The following RASSF8 variants were observed in gnomAD, a reference collection of about 807,000 sequenced individuals.
RASSF8 encodes Ras association domain family member 8, also known as ras association domain-containing protein 8.
A neutral mutation model predicts 48.5 loss-of-function variants in RASSF8; 22 were observed. The observed-to-expected ratio is 0.45, with a 90% CI of 0.32 to 0.65. RASSF8 has a LOEUF of 0.65. Among genes scored for constraint, RASSF8 ranks in the 30% least tolerant of loss-of-function variants. RASSF8 has a pLI of 0.03. For missense variants in RASSF8, 418 were observed against 489.2 expected, an observed-to-expected ratio of 0.85 and a Z score of 1.37; for synonymous variants, 127 against 171.5, an observed-to-expected ratio of 0.74 and a Z score of 2.03.
At chr12:26,041,849 A>G (rs16929935) in intron 2 of RASSF8, among the ~76,000 whole-genome samples, 5,647 of 152,190 alleles carry the variant, frequency 0.037, 130 homozygotes, top group East Asian at 0.061. Flanking sequence ...TGATAATTTG[A>G]TATATTGTAC....
rs547490831 is a variant in RASSF8 at position 26,057,979 on chromosome 12, A to G, written c.103+2533A>G. Reference sequence around the variant, plus strand: ...TGCCCACTTTTATGGGGTTGTTTGCATAATCACACTTTTTACACAGAATTT... The same window carrying G: ...TGCCCACTTTTATGGGGTTGTTTGCGTAATCACACTTTTTACACAGAATTT... On this transcript the variant is annotated intron_variant, in intron 3 of 5. Transcript: ENST00000689635. Among the ~76,000 whole-genome samples, 9 of 152,242 alleles carry G rather than the reference A, an allele frequency of 5.9e-5. No homozygotes were observed. In the East Asian group the frequency reaches 1.7e-3, roughly 29 times the overall value.
chr12:25,992,105 G>A (rs1373758619), intron 1 of RASSF8, among the ~76,000 whole-genome samples: 1 of 152,180 alleles, frequency 6.6e-6, no homozygotes, highest in Non-Finnish European at 1.5e-5. Context: ...TCATTTAGGT[G>A]AGCAGGACTT....
chr12:26,059,732 A>C (rs1943698312), intron 3 of RASSF8, among the ~76,000 whole-genome samples: 2 of 152,334 alleles, frequency 1.3e-5, no homozygotes, highest in South Asian at 4.2e-4. Flanking sequence ...TATTATTTTA[A>C]TGAATGTTAA....
At chr12:26,063,837 G>C (rs1375654265) in intron 3 of RASSF8, among the ~76,000 whole-genome samples, 1 of 151,568 alleles carries the variant, frequency 6.6e-6, no homozygotes, top group Non-Finnish European at 1.5e-5. Flanking sequence ...TTGTTTTGAA[G>C]AGTTTTTTTC....
chr12:25,994,459 CAA>C lies in RASSF8; in HGVS notation c.-202-576_-202-575del, dbSNP rs1942086372. Among the ~76,000 whole-genome samples the C allele has an allele frequency of 3.9e-5, 6 of 152,192 alleles. No homozygotes were observed. In the South Asian group the frequency reaches 1.2e-3, roughly 32 times the overall value. On this transcript the variant is annotated intron_variant, in intron 1 of 5. Transcript: ENST00000689635. The stretch of plus-strand genomic sequence containing the variant: ...GCTTTCTTTATAGCTAATGTTGTGG[CAA>C]AGTTTCACATTCTCACAGCATTAGG...
chr12:25,959,986 G>T (rs1941191792), intron 1 of RASSF8, among the ~76,000 whole-genome samples: 1 of 151,958 alleles, frequency 6.6e-6, no homozygotes, highest in Non-Finnish European at 1.5e-5. Context: ...TGCAAATCAC[G>T]TCTCATAGCT....
chr12:26,019,563 CTGTGTGTGTGTGTGTGTGTGTG>C (rs56895234), intron 2 of RASSF8, among the ~76,000 whole-genome samples: 3 of 148,200 alleles, frequency 2.0e-5, no homozygotes, highest in South Asian at 2.2e-4. Flanking sequence ...CGGGCATACA[CTGTGTGTGTGTGTGTGTGTGTG>C]TGTGTGTGTG....
intron 1 of RASSF8, among the ~76,000 whole-genome samples, chr12:25,968,917 G>A (rs1941420125): frequency 1.3e-5 from 2 of 152,240 alleles, no homozygotes; most frequent in Admixed American, 6.5e-5. Context: ...CCTTGCTAAT[G>A]TAAGCACATT....
At chr12:25,975,887 C>G (rs1023052143) in intron 1 of RASSF8, among the ~76,000 whole-genome samples, 20 of 152,058 alleles carry the variant, frequency 1.3e-4, no homozygotes, top group African/African-American at 4.8e-4. Context: ...GGTGGCTGAC[C>G]CTGGAGCATG....
At chr12:26,029,614 GC>G (rs1942986521) in intron 2 of RASSF8, among the ~76,000 whole-genome samples, 1 of 152,026 alleles carries the variant, frequency 6.6e-6, no homozygotes. Flanking sequence ...CTCATGATTG[GC>G]CTTAATTTGA....
chr12:26,034,894 A>T (rs540178758), intron 2 of RASSF8, among the ~76,000 whole-genome samples: 15 of 151,410 alleles, frequency 9.9e-5, no homozygotes, highest in African/African-American at 3.6e-4. Context: ...GTGTAGATGC[A>T]TTCTCATTGG....
intron 1 of RASSF8, among the ~76,000 whole-genome samples, chr12:25,962,685 A>C (rs532228786): frequency 6.6e-6 from 1 of 152,168 alleles, no homozygotes; most frequent in African/African-American, 2.4e-5. Flanking sequence ...CAGCCTCCTG[A>C]GTAGCTGGGA....
rs770878064 is a variant in RASSF8, at chr12:26,065,388, G to A, written c.993+1G>A. 4.4e-6 allele frequency: 7 copies of A among 1,592,800 alleles called. No homozygotes were observed. The highest frequency in any genetic ancestry group is 2.3e-5 in the South Asian group (2 of 87,838). Reference sequence around the variant, plus strand: ...TGGACAAGCCACCAAACGCTTACAGGTAGGGACACTTTGATAAATAGAATG... The same window carrying A: ...TGGACAAGCCACCAAACGCTTACAGATAGGGACACTTTGATAAATAGAATG... On this transcript the variant is annotated splice_donor_variant, in intron 4 of 5. Transcript: ENST00000689635. LOFTEE classifies it high-confidence loss of function.
At chr12:26,079,034 GATC>G (rs1565655506) in exon 6 of RASSF8, 1 of 1,545,138 alleles carries the variant, frequency 6.5e-7, no homozygotes, top group South Asian at 1.2e-5. Flanking sequence ...TTTATCTAGG[GATC>G]ATCATTCTTT....
chr12:26,073,663 C>T (rs978104688), downstream of RASSF8, among the ~76,000 whole-genome samples: 5 of 151,540 alleles, frequency 3.3e-5, no homozygotes, highest in Non-Finnish European at 7.4e-5. Context: ...CACTTGAACC[C>T]GGGAGGCGGA....
intron 1 of RASSF8, among the ~76,000 whole-genome samples, chr12:25,977,628 A>G (rs1296556403): frequency 1.3e-5 from 2 of 152,030 alleles, no homozygotes; most frequent in Non-Finnish European, 2.9e-5. Context: ...AGTTGGCAAT[A>G]TGATTTGCCA....
rs531418218 is a variant in RASSF8 at position 26,057,461 on chromosome 12, C to G, written c.103+2015C>G. Among the ~76,000 whole-genome samples, 10 of 152,258 alleles carry G rather than the reference C, an allele frequency of 6.6e-5. No individual in the cohort carries two copies. The South Asian group carries it at 2.1e-3, about 32-fold the overall frequency. On this transcript the variant is annotated intron_variant, in intron 3 of 5. Transcript: ENST00000689635. ...ATCCTTACAAAGGACATGGACTCAT[C>G]CTTTTTTATGGCTGCATAGTATTCC...
intron 3 of RASSF8, 27 bp from the exon 4 acceptor site, chr12:26,064,471 C>T (rs1943818381): frequency 6.7e-7 from 1 of 1,494,666 alleles, no homozygotes; most frequent in East Asian, 2.3e-5. Flanking sequence ...CCCATTTTGA[C>T]AAGTTATTCT....
At chr12:25,974,108 G>A (rs902773070) in intron 1 of RASSF8, among the ~76,000 whole-genome samples, 1 of 151,870 alleles carries the variant, frequency 6.6e-6, no homozygotes, top group Non-Finnish European at 1.5e-5. Context: ...GGAGAAAGCA[G>A]CGGGGCTCAG....
Sources: allele counts gnomAD v4.1 joint callset (sites outside exome capture counted in the v4.1 genomes callset), GRCh38; gene constraint gnomAD v4.1.1; transcripts MANE v1.5; gene names NCBI Gene and HGNC (gene_info 2026-07-23, HGNC 2026-07-21).